The following AGBL4 variants were observed in gnomAD, a reference collection of about 807,000 sequenced individuals.
The protein encoded by AGBL4 is AGBL carboxypeptidase 4, also known as cytosolic carboxypeptidase 6.
A neutral mutation model predicts 66.4 loss-of-function variants in AGBL4; 58 were observed. That is an observed-to-expected ratio of 0.87 (90% confidence interval 0.71 to 1.09). AGBL4 has a LOEUF of 1.09. Ranked by LOEUF, AGBL4 falls within the 50% of genes least tolerant of loss-of-function variation. The pLI is 0.00. For missense variants in AGBL4, 579 were observed against 631.0 expected (o/e 0.92, Z 0.88); for synonymous variants, 234 against 222.9 (o/e 1.05, Z -0.44).
At chr1:49,541,499 C>A (rs1652020955) in intron 3 of AGBL4, among the ~76,000 whole-genome samples, 1 of 152,230 alleles carries the variant, frequency 6.6e-6, no homozygotes, top group Non-Finnish European at 1.5e-5. Context: ...GGAGGGTGCA[C>A]CAGGTCCCCC....
Position 48,855,516 on chromosome 1 carries a change from T to G in AGBL4, c.634+11675A>C, listed in dbSNP as rs72891819. Among the ~76,000 whole-genome samples the G allele has an allele frequency of 1.5e-3, 234 of 152,296 alleles. 4 individuals are homozygous for G. Among genetic ancestry groups the G allele is most frequent in the African/African-American group, 5.5e-3 (227 of 41,548 alleles). On this transcript the variant is annotated intron_variant, in intron 6 of 13. Transcript: ENST00000371839. ...TGTTGACCTGAGAGATGGAGTTTTT[T>G]GGGGGATGGAGGTGGGAGTATTAAT...
rs1385560141 is a variant in AGBL4 at position 49,724,770 on chromosome 1, T to C, written c.158-27333A>G. The stretch of plus-strand genomic sequence containing the variant: ...TATAAGAAGAGACACCAGAAAGATA[T>C]ATATATATATCTGTCCCCCAAGGAA... On this transcript the variant is annotated intron_variant, in intron 2 of 13. Transcript: ENST00000371839. 7.2e-5 allele frequency among the ~76,000 whole-genome samples: 11 copies of C among 152,058 alleles called. No individual in the cohort carries two copies. The East Asian group carries it at 1.7e-3, about 24-fold the overall frequency.
At chr1:49,680,983 T>C (rs1050934816) in intron 3 of AGBL4, among the ~76,000 whole-genome samples, 1 of 152,154 alleles carries the variant, frequency 6.6e-6, no homozygotes, top group African/African-American at 2.4e-5. Flanking sequence ...ACACTTTCCT[T>C]TGTCCTCCCC....
chr1:49,889,523 G>A (rs752384474), intron 1 of AGBL4, among the ~76,000 whole-genome samples: 2 of 152,012 alleles, frequency 1.3e-5, no homozygotes, highest in Non-Finnish European at 2.9e-5. Flanking sequence ...TTGGGAGGCC[G>A]AGGCAGTTGG....
chr1:48,591,087 C>T, intron 9 of AGBL4, 102 bp from the exon 10 acceptor site: 2 of 719,696 alleles, frequency 2.8e-6, no homozygotes, highest in South Asian at 2.1e-5. Flanking sequence ...CACACACCCA[C>T]CCACCCCCCC....
chr1:49,332,489 C>T (rs1361107114), intron 3 of AGBL4, among the ~76,000 whole-genome samples: 1 of 152,098 alleles, frequency 6.6e-6, no homozygotes, highest in Non-Finnish European at 1.5e-5. Context: ...AGTCTAATGC[C>T]AAAACCAAGA....
intron 5 of AGBL4, among the ~76,000 whole-genome samples, chr1:49,013,189 C>T (rs1376775798): frequency 1.3e-5 from 2 of 152,208 alleles, no homozygotes; most frequent in Admixed American, 1.3e-4. Flanking sequence ...GTGAGCATGA[C>T]AGCAAATAAC....
At chr1:48,654,322 G>A (rs947505088) in intron 7 of AGBL4, among the ~76,000 whole-genome samples, 5 of 152,100 alleles carry the variant, frequency 3.3e-5, no homozygotes, top group Non-Finnish European at 5.9e-5. Flanking sequence ...ATCTGATCCT[G>A]TCACTCCCTC....
chr1:49,338,837 C>T (rs192080632), intron 3 of AGBL4, among the ~76,000 whole-genome samples: 2 of 152,148 alleles, frequency 1.3e-5, no homozygotes, highest in East Asian at 3.9e-4. Context: ...AGTTATGGGA[C>T]CAAAGGGCAG....
intron 4 of AGBL4, among the ~76,000 whole-genome samples, chr1:49,108,974 A>C (rs944905384): frequency 1.4e-4 from 21 of 152,190 alleles, no homozygotes; most frequent in African/African-American, 5.1e-4. Flanking sequence ...CCCTTCATCC[A>C]GTTACCTACC....
intron 4 of AGBL4, among the ~76,000 whole-genome samples, chr1:49,234,474 A>ATATGTG (rs1159763525): frequency 1.3e-5 from 2 of 152,218 alleles, no homozygotes; most frequent in Non-Finnish European, 2.9e-5. Context: ...CATAGGGAGA[A>ATATGTG]TATGTGCAGT....
intron 2 of AGBL4, among the ~76,000 whole-genome samples, chr1:49,759,507 A>G (rs1429836764): frequency 6.6e-6 from 1 of 152,234 alleles, no homozygotes. Flanking sequence ...ATTACAAAAA[A>G]CTAAGCATAT....
At chr1:48,690,573 G>A (rs1646613346) in intron 6 of AGBL4, among the ~76,000 whole-genome samples, 1 of 152,088 alleles carries the variant, frequency 6.6e-6, no homozygotes, top group African/African-American at 2.4e-5. Context: ...TGACATTAGT[G>A]GCAAGTCACA....
intron 3 of AGBL4, among the ~76,000 whole-genome samples, chr1:49,588,540 C>T (rs1240961029): frequency 6.6e-6 from 1 of 152,170 alleles, no homozygotes; most frequent in Non-Finnish European, 1.5e-5. Flanking sequence ...ATTCTGGAAG[C>T]AATACTTCAA....
chr1:48,874,469 T>C (rs1397411106), intron 5 of AGBL4, among the ~76,000 whole-genome samples: 2 of 152,214 alleles, frequency 1.3e-5, no homozygotes. Context: ...TGCTCTTTTC[T>C]TTGAATAATT....
intron 1 of AGBL4, among the ~76,000 whole-genome samples, chr1:49,984,971 A>G (rs1659374515): frequency 6.6e-6 from 1 of 152,248 alleles, no homozygotes; most frequent in African/African-American, 2.4e-5. Flanking sequence ...AAGAGAAGTC[A>G]TCGGATAAGG....
chr1:49,545,104 G>C (rs764407602), intron 3 of AGBL4, among the ~76,000 whole-genome samples: 11 of 152,140 alleles, frequency 7.2e-5, no homozygotes, highest in Non-Finnish European at 1.5e-4. Context: ...CCTGTGACTT[G>C]TTTCTAACCA....
chr1:49,315,308 C>T (rs1645020070), intron 3 of AGBL4, among the ~76,000 whole-genome samples: 2 of 152,134 alleles, frequency 1.3e-5, no homozygotes, highest in African/African-American at 4.8e-5. Flanking sequence ...AAAACCTAGG[C>T]AACACCATTC....
chr1:49,127,236 C>T (rs920463219), intron 4 of AGBL4, among the ~76,000 whole-genome samples: 1 of 152,112 alleles, frequency 6.6e-6, no homozygotes, highest in Non-Finnish European at 1.5e-5. Context: ...CCAAGCATAG[C>T]TTGATGGTGG....
Sources: allele counts gnomAD v4.1 joint callset (sites outside exome capture counted in the v4.1 genomes callset), GRCh38; gene constraint gnomAD v4.1.1; transcripts MANE v1.5; gene names NCBI Gene and HGNC (gene_info 2026-07-23, HGNC 2026-07-21).